KIF13B: variants seen among roughly 807,000 people sequenced by gnomAD.
KIF13B encodes kinesin family member 13B, also known as kinesin-like protein KIF13B.
A neutral mutation model predicts 222.0 loss-of-function variants in KIF13B; 127 were observed. The observed-to-expected ratio is 0.57, with a 90% CI of 0.50 to 0.66. KIF13B has a LOEUF of 0.66. KIF13B is among the 30% of genes least tolerant of loss of function. The probability of loss-of-function intolerance (pLI) is 0.00; values close to 1 mark genes in which losing one functional copy is unlikely to be tolerated. For synonymous variants in KIF13B, 976 were observed against 919.0 expected, an observed-to-expected ratio of 1.06 and a Z score of -1.12; for missense variants, 2,173 against 2,379.0, an observed-to-expected ratio of 0.91 and a Z score of 1.80.
intron 3 of KIF13B, among the ~76,000 whole-genome samples, chr8:29,193,963 G>A (rs1370795607): frequency 6.7e-6 from 1 of 149,094 alleles, no homozygotes; most frequent in African/African-American, 2.5e-5. Context: ...GACTACAGGC[G>A]CCCGCTACCA....
intron 2 of KIF13B, among the ~76,000 whole-genome samples, chr8:29,207,877 C>CA (rs1245418677): frequency 6.6e-6 from 1 of 151,866 alleles, no homozygotes; most frequent in Non-Finnish European, 1.5e-5. Context: ...AGTTACCGCT[C>CA]AAAAAAATGA....
rs1491523107 is a variant in KIF13B, at chr8:29,228,472, A to AAT, written c.149+16872_149+16873dup. Reference sequence around the variant, plus strand: ...ACAGAGCCAGACTCCATCTTAAAAAAATATATATATATATATATGAGATAC... The same window carrying AAT: ...ACAGAGCCAGACTCCATCTTAAAAAAATATATATATATATATATATGAGATAC... On this transcript the variant is annotated intron_variant, in intron 2 of 39. Transcript: ENST00000524189. Among the ~76,000 whole-genome samples, 50 of 117,078 alleles carry AAT rather than the reference A, an allele frequency of 4.3e-4. 2 individuals are homozygous for AAT. The highest frequency in any genetic ancestry group is 9.4e-4 in the African/African-American group (29 of 30,728). The allele number at this position is 117,078 out of a possible 152,430, so 76.8% of individuals were successfully genotyped here. A position where few individuals can be genotyped will look rare whatever the true frequency, so the allele number is the denominator to read the frequency against.
In KIF13B at chr8:29,186,379, T is replaced by G; in HGVS notation, c.410A>C (p.Glu137Ala). The change falls in exon 6 of 40, where the codon GAG becomes GCG. Residue 137 changes from glutamate to alanine, a missense_variant. Glu to Ala is a moderately radical substitution (Grantham distance 107). This residue lies in a region of KIF13B where 1,480 missense variants were observed against 1,722.8 expected (regional missense o/e 0.86). Coordinates refer to ENST00000524189, the MANE Select transcript of KIF13B (RefSeq NM_015254.4). ...TTTAAAACTCTGTTCTTCATTTTCCTCTTTCTGAGTTCGTTCAAAGAGTCC... is the reference window on the plus strand; with the variant it reads ...TTTAAAACTCTGTTCTTCATTTTCCGCTTTCTGAGTTCGTTCAAAGAGTCC... ...CSGLFERTQK[E>A]ENEEQSFKVE... 1 of 1,613,924 alleles carries G rather than the reference T, an allele frequency of 6.2e-7. No individual in the cohort carries two copies. The highest frequency in any genetic ancestry group is 8.5e-7 in the Non-Finnish European group (1 of 1,179,790).
In KIF13B at chr8:29,117,118, A is replaced by AAAGTTCTACTATG. The variant is rs1295878586; in HGVS notation, c.3661-124_3661-112dup. The stretch of plus-strand genomic sequence containing the variant: ...GAAAGGGCACATGCCAGTCACCAGC[A>AAAGTTCTACTATG]AAGTTCTACTATGACAGCTGCCCTG... On this transcript the variant is annotated intron_variant, in intron 30 of 39. Coordinates refer to ENST00000524189, the MANE Select transcript of KIF13B (RefSeq NM_015254.4). 4.3e-5 allele frequency: 38 copies of AAAGTTCTACTATG among 879,234 alleles called. No individual in the cohort carries two copies. The South Asian group carries it at 6.6e-4, about 15-fold the overall frequency. The allele number at this position is 879,234 out of a possible 1,614,324, so 54.5% of individuals were successfully genotyped here.
At position 29,090,178 on chromosome 8, in the gene KIF13B, G is replaced by T. The variant is rs148081388; in HGVS notation, c.4458+2567C>A. ...AAGAAGAACGAAGATTCAAGGCCGG[G>T]GTACAGGCACTGCAGGGCACTGTGA... On this transcript the variant is annotated intron_variant, in intron 37 of 39. Coordinates refer to ENST00000524189, the MANE Select transcript of KIF13B (RefSeq NM_015254.4). Among the ~76,000 whole-genome samples the T allele has an allele frequency of 5.6e-4, 85 of 152,262 alleles. No homozygotes were observed. In the East Asian group the frequency reaches 0.011, roughly 19 times the overall value.
Position 29,108,161 on chromosome 8 carries a change from G to A in KIF13B, c.4193C>T (p.Ser1398Leu), listed in dbSNP as rs906860624. 1 of 1,612,150 alleles carries A rather than the reference G, an allele frequency of 6.2e-7. No homozygotes were observed. Among genetic ancestry groups the A allele is most frequent in the African/African-American group, 1.3e-5 (1 of 74,918 alleles). Residue 1398 changes from serine (S) to leucine (L), a missense_variant, in exon 35 of 40, where the codon TCA (serine) becomes TTA (leucine). Physicochemically the swap from Ser to Leu is moderately radical, Grantham distance 145. Coordinates refer to ENST00000524189, the MANE Select transcript of KIF13B (RefSeq NM_015254.4). ...LSGSRQDLIP[S>L]YSLGSNKGRW... ...TACCTTGTTGCTGCCTAGACTGTAT[G>A]ATGGAATGAGATCTTGTCGGCTTCC...
intron 23 of KIF13B, among the ~76,000 whole-genome samples, chr8:29,131,774 A>C (rs927744895): frequency 6.6e-6 from 1 of 152,194 alleles, no homozygotes; most frequent in Admixed American, 6.5e-5. Flanking sequence ...GTTTCTTCTT[A>C]ATCAGCTACA....
chr8:29,141,862 TCCCAGAGAG>T (rs1810832525), intron 19 of KIF13B, among the ~76,000 whole-genome samples: 1 of 152,056 alleles, frequency 6.6e-6, no homozygotes, highest in South Asian at 2.1e-4. Flanking sequence ...CTAAAGAGGT[TCCCAGAGAG>T]CACAGGAGAC....
rs192162158 is a variant in KIF13B at position 29,123,461 on chromosome 8, C to T, written c.3384G>A (p.Ala1128=). ...GGGTCAACCGCATCTCCAGAAGCTG[C>T]GCTTCACGGTCAGCATCATCCTCTG... is the stretch of plus-strand genomic sequence containing the variant. ...DKTEDDADRE[A]QLLEMRLTLT... is the part of the protein sequence containing the mutation. Residue 1128 remains alanine, a synonymous_variant, in exon 28 of 40, where the codon GCG becomes GCA. Coordinates refer to ENST00000524189, the MANE Select transcript of KIF13B (RefSeq NM_015254.4). 315 of 1,613,992 alleles carry T rather than the reference C, an allele frequency of 2.0e-4. 1 individual carries two copies. The African/African-American group carries it at 3.5e-3, about 18-fold the overall frequency.
At chr8:29,152,678 C>A (rs1162192888) in intron 14 of KIF13B, among the ~76,000 whole-genome samples, 1 of 151,974 alleles carries the variant, frequency 6.6e-6, no homozygotes, top group Non-Finnish European at 1.5e-5. Context: ...GTGGTGTAAT[C>A]TCGGTTCACT....
chr8:29,189,684 G>A (rs1366874874), intron 4 of KIF13B: 2 of 152,330 alleles, frequency 1.3e-5, no homozygotes, highest in Admixed American at 1.3e-4. Flanking sequence ...AAGCAGGGCT[G>A]GGCCTGCAGC....
intron 24 of KIF13B, among the ~76,000 whole-genome samples, chr8:29,129,658 A>C (rs926684151): frequency 6.6e-6 from 1 of 150,442 alleles, no homozygotes; most frequent in African/African-American, 2.4e-5. Flanking sequence ...AAAAAAAAAA[A>C]TTCCAAATCC....
chr8:29,218,789 C>A (rs55950704), intron 2 of KIF13B: 27,453 of 152,210 alleles, frequency 0.18, 2,719 homozygotes, highest in African/African-American at 0.24. Context: ...TAATTTATTT[C>A]AACTTTATGC....
chr8:29,160,608 C>G (rs1433074037), intron 13 of KIF13B, 125 bp downstream of exon 13: 15 of 731,716 alleles, frequency 2.0e-5, no homozygotes, highest in Non-Finnish European at 2.8e-5. Flanking sequence ...AGTCCAGAAA[C>G]CCAAGATGGT....
At chr8:29,252,800 T>A (rs538527393) in intron 1 of KIF13B, among the ~76,000 whole-genome samples, 1 of 152,354 alleles carries the variant, frequency 6.6e-6, no homozygotes, top group East Asian at 1.9e-4. Context: ...TACTTTGTTC[T>A]ATTTATAAGT....
chr8:29,152,435 G>A (rs1288998595), intron 14 of KIF13B, among the ~76,000 whole-genome samples: 1 of 152,116 alleles, frequency 6.6e-6, no homozygotes, highest in African/African-American at 2.4e-5. Flanking sequence ...GTCAATCAAT[G>A]TGGCAAATTT....
chr8:29,116,741 G>A, intron 31 of KIF13B, 90 bp downstream of exon 31: 1 of 1,258,922 alleles, frequency 7.9e-7, no homozygotes, highest in South Asian at 1.5e-5. Context: ...CCGGGAGCCT[G>A]TTTGGACAGA....
intron 8 of KIF13B, among the ~76,000 whole-genome samples, chr8:29,178,424 T>C (rs1812572219): frequency 6.6e-6 from 1 of 152,132 alleles, no homozygotes; most frequent in African/African-American, 2.4e-5. Context: ...AGATATTATA[T>C]ACATACAGAT....
intron 38 of KIF13B, among the ~76,000 whole-genome samples, chr8:29,072,798 G>A (rs1297720197): frequency 6.6e-6 from 1 of 152,200 alleles, no homozygotes; most frequent in African/African-American, 2.4e-5. Flanking sequence ...CCTCGCCACA[G>A]AGGGCAGCAC....
Sources: gnomAD v4.1 joint callset for allele counts (sites outside exome capture counted in the v4.1 genomes callset) on GRCh38, gnomAD v4.1.1 for gene constraint, gnomAD v4.1.1 regional missense constraint, MANE v1.5 for transcripts, NCBI Gene and HGNC (gene_info 2026-07-23, HGNC 2026-07-21) for gene names.